The following CYP27A1 variants were observed in gnomAD, a reference collection of about 807,000 sequenced individuals.
CYP27A1 encodes sterol 26-hydroxylase, mitochondrial.
A neutral mutation model predicts 58.2 loss-of-function variants in CYP27A1; 46 were observed. That is an observed-to-expected ratio of 0.79 (90% CI 0.62 to 1.01). The LOEUF (loss-of-function observed/expected upper bound fraction) is 1.01. Ranked by LOEUF, CYP27A1 falls within the 50% of genes least tolerant of loss-of-function variation. The pLI is 0.00. For missense variants in CYP27A1, 704 were observed against 687.0 expected (o/e 1.02, Z -0.28); for synonymous variants, 274 against 285.1 (o/e 0.96, Z 0.39).
chr2:218,793,998 G>A (rs994555199), intron 1 of CYP27A1, among the ~76,000 whole-genome samples: 29 of 152,046 alleles, frequency 1.9e-4, no homozygotes, highest in Non-Finnish European at 4.0e-4. Context: ...GATTAGGCTC[G>A]CGGACACATA....
chr2:218,801,979 C>CTTTTTTT (rs10630235), intron 1 of CYP27A1, among the ~76,000 whole-genome samples: 2 of 130,586 alleles, frequency 1.5e-5, no homozygotes, highest in African/African-American at 6.1e-5. Flanking sequence ...TGCTAGCAGG[C>CTTTTTTT]TTTTTTTTTT....
In CYP27A1 at chr2:218,815,151, G is replaced by T; in HGVS notation, c.*121G>T. 8.1e-7 allele frequency: 1 copy of T among 1,234,608 alleles called. No homozygotes were observed. The allele number at this position is 1,234,608 out of a possible 1,614,324, so 76.5% of individuals were successfully genotyped here. A position where few individuals can be genotyped will look rare whatever the true frequency, so the allele number is the denominator to read the frequency against. ...AGGAGGCCGCCAGACTCGAGAGGTG[G>T]GAGGAACTCCTTGCACACACCCTGA... On this transcript the variant is annotated 3_prime_UTR_variant, in exon 9 of 9. Transcript: ENST00000258415.
At position 218,814,276 on chromosome 2, in the gene CYP27A1, G is replaced by C. The variant is rs1943758610; in HGVS notation, c.1184+89G>C. 6.9e-6 allele frequency: 11 copies of C among 1,604,168 alleles called. No homozygotes were observed. In the East Asian group the frequency reaches 2.5e-4, roughly 36 times the overall value. ...AATCTGAAGTGAAGACAGGTGGGCT[G>C]GGGCTAGTGACAAGGATGAGATGGG... On this transcript the variant is annotated intron_variant, in intron 6 of 8. Transcript: ENST00000258415.
In CYP27A1 at chr2:218,815,186, A is replaced by G; in HGVS notation, c.*156A>G. 2.4e-6 allele frequency: 2 copies of G among 818,528 alleles called. No homozygotes were observed. Among genetic ancestry groups the G allele is most frequent in the African/African-American group, 1.7e-5 (1 of 58,756 alleles). 50.7% of individuals were successfully genotyped at this position (818,528 alleles called of 1,614,324 possible). A position where few individuals can be genotyped will look rare whatever the true frequency, so the allele number is the denominator to read the frequency against. ...CTTGCACACACCCTGAGCTTTTGCC[A>G]CTTCTATCATTTTTGAGCAACTCCC... On this transcript the variant is annotated 3_prime_UTR_variant, in exon 9 of 9. Coordinates refer to ENST00000258415, the MANE Select transcript of CYP27A1 (RefSeq NM_000784.4).
At position 218,782,206 on chromosome 2, in the gene CYP27A1, G is replaced by A. The variant is rs1383705510; in HGVS notation, c.24G>A (p.Arg8=). The A allele has an allele frequency of 6.5e-7, 1 of 1,538,792 alleles. No individual in the cohort carries two copies. The highest frequency in any genetic ancestry group is 8.7e-7 in the Non-Finnish European group (1 of 1,145,930). MAALGCA[R]LRWALRGAGR... is the part of the protein sequence containing the mutation. ...CCATGGCTGCGCTGGGCTGCGCGAG[G>A]CTGAGGTGGGCGCTGCGAGGGGCCG... Residue 8 remains arginine (R), a synonymous_variant, in exon 1 of 9, where the codon AGG becomes AGA. Transcript: ENST00000258415. This position sits in a 1 kb window ranked among gnomAD's most constrained non-coding sequence, Gnocchi z 4.1.
At chr2:218,803,661 A>G (rs1943621808) in intron 1 of CYP27A1, among the ~76,000 whole-genome samples, 1 of 141,606 alleles carries the variant, frequency 7.1e-6, no homozygotes, top group Non-Finnish European at 1.5e-5. Context: ...TGACATCGTG[A>G]TCTGTCCACT....
chr2:218,782,184 TGGCTGCGCTG>T lies in CYP27A1; in HGVS notation c.11_20del (p.Leu4_?7), dbSNP rs886041342. 4 of 1,536,434 alleles carry T rather than the reference TGGCTGCGCTG, an allele frequency of 2.6e-6. No individual in the cohort carries two copies. The South Asian group carries it at 4.8e-5, about 18-fold the overall frequency. The stretch of plus-strand genomic sequence containing the variant: ...GGTGCAGGCGCGCGAGCACAACCCA[TGGCTGCGCTG>T]GGCTGCGCGAGGCTGAGGTGGGCGC... On this transcript the variant is annotated frameshift_variant and start_lost, in exon 1 of 9. Transcript: ENST00000258415. LOFTEE classifies it high-confidence loss of function. The surrounding 1 kb of genome is among the most constrained non-coding windows in gnomAD (Gnocchi z 4.1).
chr2:218,793,736 A>G (rs1329235729), intron 1 of CYP27A1, among the ~76,000 whole-genome samples: 1 of 143,106 alleles, frequency 7.0e-6, no homozygotes, highest in East Asian at 2.0e-4. Flanking sequence ...TTTTTTTGAG[A>G]CATATTCTCA....
chr2:218,790,505 C>T (rs140872526), intron 1 of CYP27A1, among the ~76,000 whole-genome samples: 1 of 152,170 alleles, frequency 6.6e-6, no homozygotes, highest in African/African-American at 2.4e-5. Context: ...TCCCCTACAA[C>T]TGAATCTCTA....
chr2:218,814,965 G>A lies in CYP27A1; in HGVS notation c.1531G>A (p.Val511Met). ...CCCGGAGACGGGGGAGTTGAAGAGT[G>A]TGGCCCGCATTGTCCTGGTTCCCAA... ...LAPETGELKS[V>M]ARIVLVPNKK... Residue 511 changes from valine (V) to methionine (M), a missense_variant, in exon 9 of 9, where the codon GTG becomes ATG. Physicochemically the swap from Val to Met is conservative, Grantham distance 21. Coordinates refer to ENST00000258415, the MANE Select transcript of CYP27A1 (RefSeq NM_000784.4). 3 of 1,614,236 alleles carry A rather than the reference G, an allele frequency of 1.9e-6. No individual in the cohort carries two copies. The highest frequency in any genetic ancestry group is 1.3e-5 in the African/African-American group (1 of 75,068).
intron 1 of CYP27A1, among the ~76,000 whole-genome samples, chr2:218,808,771 C>T (rs1044772666): frequency 5.3e-5 from 8 of 152,104 alleles, no homozygotes; most frequent in African/African-American, 1.9e-4. Context: ...AATTTTTACC[C>T]CCCAAAACGT....
rs774920989 is a variant in CYP27A1, at chr2:218,814,792, G to A, written c.1476+35G>A. The A allele has an allele frequency of 6.9e-5, 111 of 1,613,550 alleles. No homozygotes were observed. The East Asian group carries it at 2.5e-3, about 36-fold the overall frequency. ...GAGAGGCTAGTAGGGTGTGTGGGCA[G>A]GGAGGGGTGGAGGAGTCCTGGGAGG... On this transcript the variant is annotated intron_variant, in intron 8 of 8. Transcript: ENST00000258415.
At chr2:218,803,820 C>T (rs532708492) in intron 1 of CYP27A1, among the ~76,000 whole-genome samples, 2 of 148,208 alleles carry the variant, frequency 1.3e-5, no homozygotes, top group East Asian at 3.9e-4. Flanking sequence ...GCAGCCTCCA[C>T]CTCCCGGGTT....
chr2:218,810,922 C>T (rs692303), intron 2 of CYP27A1, among the ~76,000 whole-genome samples: 16,610 of 151,892 alleles, frequency 0.11, 3,019 homozygotes, highest in African/African-American at 0.37. Flanking sequence ...CCAAGGTGGG[C>T]GGATCATGAG....
Position 218,782,896 on chromosome 2 carries a change from A to G in CYP27A1, c.255+459A>G, listed in dbSNP as rs998963664. 6.6e-6 allele frequency among the ~76,000 whole-genome samples: 1 copy of G among 152,192 alleles called. No homozygotes were observed. The highest frequency in any genetic ancestry group is 2.4e-5 in the African/African-American group (1 of 41,444). The stretch of plus-strand genomic sequence containing the variant: ...AAATTTCCTCTTAGGGGAAAACACA[A>G]TGCTGCATCTCAGATCGTGGAAGCA... On this transcript the variant is annotated intron_variant, in intron 1 of 8. Transcript: ENST00000258415. This position sits in a 1 kb window ranked among gnomAD's most constrained non-coding sequence, Gnocchi z 4.1.
chr2:218,800,769 A>G (rs993650146), intron 1 of CYP27A1, among the ~76,000 whole-genome samples: 1 of 152,214 alleles, frequency 6.6e-6, no homozygotes, highest in African/African-American at 2.4e-5. Context: ...TGTTGTTATA[A>G]GCATATGGGG....
rs1559384522 is a variant in CYP27A1 at position 218,782,244 on chromosome 2, G to GC, written c.67dup (p.His23ProfsTer158). 6.5e-7 allele frequency: 1 copy of GC among 1,549,878 alleles called. No homozygotes were observed. The highest frequency in any genetic ancestry group is 1.9e-5 in the Admixed American group (1 of 51,418). ...CTGCGAGGGGCCGGCCGTGGCCTCTGCCCCCACGGGGCCAGAGCCAAGGCC... is the reference window on the plus strand; with the variant it reads ...CTGCGAGGGGCCGGCCGTGGCCTCTGCCCCCCACGGGGCCAGAGCCAAGGCC... On this transcript the variant is annotated frameshift_variant, in exon 1 of 9. Coordinates refer to ENST00000258415, the MANE Select transcript of CYP27A1 (RefSeq NM_000784.4). LOFTEE classifies it high-confidence loss of function. The surrounding 1 kb of genome is among the most constrained non-coding windows in gnomAD (Gnocchi z 4.1).
At chr2:218,809,550 T>A (rs775083058) in intron 1 of CYP27A1, 27 bp from the exon 2 acceptor site, 1 of 1,581,346 alleles carries the variant, frequency 6.3e-7, no homozygotes, top group Admixed American at 1.7e-5. Context: ...CTTGGCCCAG[T>A]TATTCAGTTT....
In CYP27A1 at chr2:218,814,137, G is replaced by A. The variant is rs1943756461; in HGVS notation, c.1134G>A (p.Lys378=). The change falls in exon 6 of 9, where the codon AAG becomes AAA. Residue 378 remains lysine, a synonymous_variant. Coordinates refer to ENST00000258415, the MANE Select transcript of CYP27A1 (RefSeq NM_000784.4). ...CAGCCGGGCAAGTGCCCCAGCACAA[G>A]GACTTTGCCCACATGCCGTTGCTCA... ...VVPAGQVPQH[K]DFAHMPLLKA... is the part of the protein sequence containing the mutation. 6.2e-7 allele frequency: 1 copy of A among 1,614,128 alleles called. No individual in the cohort carries two copies. Among genetic ancestry groups the A allele is most frequent in the Admixed American group, 1.7e-5 (1 of 60,004 alleles).
Sources: gnomAD v4.1 joint callset for allele counts (sites outside exome capture counted in the v4.1 genomes callset) on GRCh38, gnomAD v4.1.1 for gene constraint, Gnocchi (gnomAD v3.1) non-coding constraint, MANE v1.5 for transcripts, NCBI Gene and HGNC (gene_info 2026-07-23, HGNC 2026-07-21) for gene names.